PTK2: variants seen among roughly 807,000 people sequenced by gnomAD.
The protein encoded by PTK2 is protein tyrosine kinase 2.
PTK2 carries 45 observed loss-of-function variants against 150.1 expected under a neutral mutation model. The observed-to-expected ratio is 0.30, with a 90% CI of 0.24 to 0.38. The LOEUF is 0.38. Ranked by LOEUF, PTK2 falls within the 10% of genes least tolerant of loss-of-function variation. The probability of loss-of-function intolerance (pLI) is 1.00; values close to 1 mark genes in which losing one functional copy is unlikely to be tolerated. For missense variants in PTK2, 919 were observed against 1,307.3 expected, an observed-to-expected ratio of 0.70 and a Z score of 4.58; for synonymous variants, 432 against 449.2, an observed-to-expected ratio of 0.96 and a Z score of 0.48.
chr8:140,930,311 C>A (rs903174729), intron 1 of PTK2, among the ~76,000 whole-genome samples: 1 of 152,158 alleles, frequency 6.6e-6, no homozygotes, highest in East Asian at 1.9e-4. Flanking sequence ...AATAAGGCAG[C>A]TCCCAGTCCT....
Position 140,982,063 on chromosome 8 carries a change from A to AT in PTK2, c.-122+19061dup, listed in dbSNP as rs1491140594. ...TAAAGCTCCACGCTTCACCAACTCA[A>AT]TAAAAAAAAAAAAAAAAAAATGACT... On this transcript the variant is annotated intron_variant, in intron 1 of 31. Transcript: ENST00000522684. Among the ~76,000 whole-genome samples, 155 of 46,440 alleles carry AT rather than the reference A, an allele frequency of 3.3e-3. 1 individual carries two copies. The highest frequency in any genetic ancestry group is 6.2e-3 in the Non-Finnish European group (101 of 16,182). The allele number at this position is 46,440 out of a possible 152,430, so 30.5% of individuals were successfully genotyped here.
Position 140,741,989 on chromosome 8 carries a change from A to T in PTK2, c.1735+1241T>A, listed in dbSNP as rs115291274. 2.4e-3 allele frequency among the ~76,000 whole-genome samples: 363 copies of T among 152,210 alleles called. 2 individuals carry two copies. Among genetic ancestry groups the T allele is most frequent in the African/African-American group, 8.4e-3 (349 of 41,516 alleles). On this transcript the variant is annotated intron_variant, in intron 20 of 31. Transcript: ENST00000522684. ...CAAAACTCCATCTCTACAAAAAATTAGCCAGGCATGGTGGCGCACGCCCGT... is the reference window on the plus strand; with the variant it reads ...CAAAACTCCATCTCTACAAAAAATTTGCCAGGCATGGTGGCGCACGCCCGT...
intron 22 of PTK2, among the ~76,000 whole-genome samples, chr8:140,726,716 C>CTGA (rs2100046067): frequency 6.6e-6 from 1 of 152,134 alleles, no homozygotes; most frequent in Non-Finnish European, 1.5e-5. Context: ...TCACCACCAA[C>CTGA]TGATCTGCAC....
intron 1 of PTK2, among the ~76,000 whole-genome samples, chr8:140,988,015 A>G (rs1038436764): frequency 6.6e-6 from 1 of 151,034 alleles, no homozygotes; most frequent in Admixed American, 6.6e-5. Context: ...ACTGCACTCC[A>G]GCCTGGACAA....
chr8:140,871,405 A>G (rs1198695635), intron 4 of PTK2, among the ~76,000 whole-genome samples: 1 of 152,248 alleles, frequency 6.6e-6, no homozygotes, highest in African/African-American at 2.4e-5. Context: ...ACACAAAGAT[A>G]CTGGTACCCC....
intron 1 of PTK2, among the ~76,000 whole-genome samples, chr8:140,990,360 GAATAGCT>G (rs1350195384): frequency 6.6e-6 from 1 of 151,694 alleles, no homozygotes; most frequent in Non-Finnish European, 1.5e-5. Context: ...TCATCCTCCT[GAATAGCT>G]GGGACTATAG....
intron 1 of PTK2, among the ~76,000 whole-genome samples, chr8:140,936,642 C>T (rs2100173745): frequency 6.6e-6 from 1 of 152,104 alleles, no homozygotes; most frequent in Non-Finnish European, 1.5e-5. Context: ...CCTCCTTAAC[C>T]TTCACACCTC....
chr8:140,992,988 C>T (rs950471322), intron 1 of PTK2, among the ~76,000 whole-genome samples: 5 of 152,172 alleles, frequency 3.3e-5, no homozygotes, highest in African/African-American at 1.2e-4. Context: ...TACATTAGAG[C>T]TTCTGGATCA....
At chr8:140,808,162 C>T (rs1223390255) in intron 10 of PTK2, among the ~76,000 whole-genome samples, 2 of 152,154 alleles carry the variant, frequency 1.3e-5, no homozygotes, top group East Asian at 1.9e-4. Flanking sequence ...TTTTTCTATG[C>T]TGACAGGAAC....
intron 10 of PTK2, among the ~76,000 whole-genome samples, chr8:140,817,755 C>T (rs945488281): frequency 6.6e-6 from 1 of 152,180 alleles, no homozygotes; most frequent in Non-Finnish European, 1.5e-5. Flanking sequence ...GAGGATCACA[C>T]AGGAAATGGT....
chr8:140,712,504 T>G (rs1411197648), intron 23 of PTK2, among the ~76,000 whole-genome samples: 1 of 152,148 alleles, frequency 6.6e-6, no homozygotes, highest in Middle Eastern at 3.2e-3. Context: ...TGAGTTGCAA[T>G]GTGGAATTTA....
intron 31 of PTK2, among the ~76,000 whole-genome samples, chr8:140,660,360 C>G (rs2152469628): frequency 6.6e-6 from 1 of 152,304 alleles, no homozygotes; most frequent in Admixed American, 6.5e-5. Context: ...TCAGTTCTGA[C>G]TTCTGGTCTT....
At chr8:140,751,502 T>C (rs182959091) in intron 17 of PTK2, among the ~76,000 whole-genome samples, 14 of 150,798 alleles carry the variant, frequency 9.3e-5, no homozygotes, top group Admixed American at 1.3e-4. Flanking sequence ...TTCTTTCTTT[T>C]TTTTTTTTGA....
intron 8 of PTK2, among the ~76,000 whole-genome samples, chr8:140,820,091 T>G (rs1180378340): frequency 1.1e-4 from 7 of 62,064 alleles, no homozygotes; most frequent in Admixed American, 1.7e-4. Context: ...TTTTTTTTTT[T>G]TTTTTTTTTT....
intron 7 of PTK2, among the ~76,000 whole-genome samples, chr8:140,839,277 A>G (rs1373384757): frequency 6.6e-6 from 1 of 152,126 alleles, no homozygotes; most frequent in Non-Finnish European, 1.5e-5. Flanking sequence ...AAGTGGCATC[A>G]TTTCCTGGCT....
intron 20 of PTK2, among the ~76,000 whole-genome samples, chr8:140,740,878 C>T (rs1037430398): frequency 5.9e-5 from 9 of 152,308 alleles, no homozygotes; most frequent in African/African-American, 2.2e-4. Flanking sequence ...CACAGTGGCT[C>T]ATGCCTGTAA....
At chr8:140,891,538 A>G (rs1009101578) in intron 2 of PTK2, among the ~76,000 whole-genome samples, 4 of 152,212 alleles carry the variant, frequency 2.6e-5, no homozygotes, top group Non-Finnish European at 5.9e-5. Context: ...GATACTTAAC[A>G]GCTGGCTGCT....
At chr8:140,940,929 C>G (rs1026171127) in intron 1 of PTK2, among the ~76,000 whole-genome samples, 3 of 151,966 alleles carry the variant, frequency 2.0e-5, no homozygotes, top group Non-Finnish European at 4.4e-5. Context: ...GAGACCACAC[C>G]ATTGCATTCC....
intron 14 of PTK2, among the ~76,000 whole-genome samples, chr8:140,773,741 AATG>A (rs1280732235): frequency 6.6e-6 from 1 of 152,158 alleles, no homozygotes; most frequent in East Asian, 1.9e-4. Context: ...TTTTATTCTA[AATG>A]ATGTCAAGAG....
Sources: allele counts gnomAD v4.1 joint callset (sites outside exome capture counted in the v4.1 genomes callset), GRCh38; gene constraint gnomAD v4.1.1; transcripts MANE v1.5; gene names NCBI Gene and HGNC (gene_info 2026-07-23, HGNC 2026-07-21).